The following INPP5B variants were observed in gnomAD, a reference collection of about 807,000 sequenced individuals.
INPP5B encodes type II inositol 1,4,5-trisphosphate 5-phosphatase.
A neutral mutation model predicts 118.5 loss-of-function variants in INPP5B; 90 were observed. The observed-to-expected ratio is 0.76, with a 90% CI of 0.64 to 0.90. INPP5B has a LOEUF of 0.90. INPP5B is among the 40% of genes least tolerant of loss of function. The pLI is 0.00. For synonymous variants in INPP5B, 385 were observed against 418.9 expected, an observed-to-expected ratio of 0.92 and a Z score of 0.99; for missense variants, 984 against 1,125.6, an observed-to-expected ratio of 0.87 and a Z score of 1.80.
At position 37,907,602 on chromosome 1, in the gene INPP5B, G is replaced by C. The variant is rs547170111; in HGVS notation, c.533-16148C>G. ...TTCTAAGTCACTGGATGAGATGTGA[G>C]GGTCAGCACAAGGCACAGGTCATAA... is the stretch of plus-strand genomic sequence containing the variant. On this transcript the variant is annotated intron_variant, in intron 7 of 23. Coordinates refer to ENST00000373024, the MANE Select transcript of INPP5B (RefSeq NM_005540.3). This position sits in a 1 kb window ranked among gnomAD's most constrained non-coding sequence, Gnocchi z 4.3. 6.6e-6 allele frequency among the ~76,000 whole-genome samples: 1 copy of C among 152,162 alleles called. No homozygotes were observed. Among genetic ancestry groups the C allele is most frequent in the Non-Finnish European group, 1.5e-5 (1 of 68,040 alleles).
At chr1:37,892,301 A>G (rs1337029998) in intron 7 of INPP5B, among the ~76,000 whole-genome samples, 1 of 152,242 alleles carries the variant, frequency 6.6e-6, no homozygotes. Context: ...AAAACTGGAA[A>G]TAGTCTAAGA....
intron 7 of INPP5B, 123 bp downstream of exon 7, chr1:37,931,790 G>C: frequency 6.2e-7 from 1 of 1,606,008 alleles, no homozygotes; most frequent in Non-Finnish European, 8.5e-7. Context: ...CCGCCCCCGT[G>C]TGCCCGCTCC....
intron 7 of INPP5B, among the ~76,000 whole-genome samples, chr1:37,892,537 T>C (rs962809116): frequency 5.9e-5 from 9 of 152,146 alleles, no homozygotes; most frequent in African/African-American, 2.2e-4. Flanking sequence ...AAACCCAAGT[T>C]ATGGGAAGGA....
intron 7 of INPP5B, among the ~76,000 whole-genome samples, chr1:37,905,556 C>CT (rs942068280): frequency 2.0e-4 from 30 of 152,234 alleles, no homozygotes; most frequent in African/African-American, 7.2e-4. Flanking sequence ...AACCAAATTT[C>CT]TTTGTCAGTT....
Position 37,943,672 on chromosome 1 carries a change from G to A in INPP5B, c.251-3C>T. The A allele has an allele frequency of 6.2e-7, 1 of 1,614,042 alleles. No individual in the cohort carries two copies. Among genetic ancestry groups the A allele is most frequent in the Non-Finnish European group, 8.5e-7 (1 of 1,179,968 alleles). ...GTAGAGTTCACCATCTGGGGACACT[G>A]TGGGGAGGGAAATGAGAATGCCCTT... On this transcript the variant is annotated splice_region_variant and splice_polypyrimidine_tract_variant and intron_variant, in intron 4 of 23. Transcript: ENST00000373024.
At chr1:37,912,939 TACTC>T (rs1459933734) in intron 7 of INPP5B, among the ~76,000 whole-genome samples, 2 of 121,698 alleles carry the variant, frequency 1.6e-5, no homozygotes, top group Non-Finnish European at 3.4e-5. Context: ...GGCCTCGACT[TACTC>T]ACTGCTAAAA....
chr1:37,869,472 TTTA>T (rs1642269511), intron 19 of INPP5B, among the ~76,000 whole-genome samples: 1 of 149,354 alleles, frequency 6.7e-6, no homozygotes, highest in East Asian at 2.0e-4. Context: ...TATTTATTTA[TTTA>T]TTTATTTACT....
At chr1:37,885,453 T>A in intron 13 of INPP5B, 185 bp downstream of exon 13, 1 of 511,474 alleles carries the variant, frequency 2.0e-6, no homozygotes, top group Admixed American at 3.3e-5. Flanking sequence ...ACTCAAGAGA[T>A]CTGCCAGATA....
intron 7 of INPP5B, among the ~76,000 whole-genome samples, chr1:37,903,138 G>A (rs967439981): frequency 4.6e-5 from 7 of 152,154 alleles, no homozygotes; most frequent in Non-Finnish European, 1.0e-4. Context: ...AAGACCTGCT[G>A]GGCTGCATTC....
intron 8 of INPP5B, 37 bp downstream of exon 8, chr1:37,891,321 G>T: frequency 6.7e-7 from 1 of 1,482,688 alleles, no homozygotes; most frequent in Non-Finnish European, 9.4e-7. Flanking sequence ...GAGAACCTCA[G>T]TCCTACAAGG....
chr1:37,883,419 T>C, intron 13 of INPP5B: 1 of 985,438 alleles, frequency 1.0e-6, no homozygotes, highest in Non-Finnish European at 1.2e-6. Flanking sequence ...ACCAGCAGTA[T>C]ATCATTGGTT....
chr1:37,890,625 G>A (rs1356911350), intron 8 of INPP5B, among the ~76,000 whole-genome samples: 4 of 152,086 alleles, frequency 2.6e-5, no homozygotes, highest in Admixed American at 6.6e-5. Flanking sequence ...CCTCAGGGGC[G>A]AGTCAGGAAA....
At chr1:37,927,296 A>G (rs1201466869) in intron 7 of INPP5B, among the ~76,000 whole-genome samples, 1 of 149,960 alleles carries the variant, frequency 6.7e-6, no homozygotes, top group East Asian at 1.9e-4. Context: ...CTCCGTCTCA[A>G]AAAAAAAAAG....
intron 7 of INPP5B, among the ~76,000 whole-genome samples, chr1:37,901,246 C>A (rs1291237272): frequency 3.3e-5 from 5 of 152,178 alleles, no homozygotes; most frequent in Non-Finnish European, 5.9e-5. Flanking sequence ...GTATTAAGTA[C>A]AGCAAAGTAT....
chr1:37,931,515 C>T (rs1474469113), intron 7 of INPP5B: 2 of 1,535,176 alleles, frequency 1.3e-6, no homozygotes, highest in Admixed American at 3.9e-5. Flanking sequence ...CATCACAGAA[C>T]TTCTGCCCCA....
chr1:37,935,435 G>A (rs1173455596), intron 6 of INPP5B, among the ~76,000 whole-genome samples: 3 of 150,782 alleles, frequency 2.0e-5, no homozygotes, highest in Non-Finnish European at 4.4e-5. Flanking sequence ...CTCGTGATCC[G>A]CCCCGCCTTG....
chr1:37,878,185 T>A lies in INPP5B; in HGVS notation c.1677+3A>T. The A allele has an allele frequency of 6.2e-7, 1 of 1,613,948 alleles. No individual in the cohort carries two copies. Among genetic ancestry groups the A allele is most frequent in the Non-Finnish European group, 8.5e-7 (1 of 1,179,892 alleles). On this transcript the variant is annotated splice_donor_region_variant and intron_variant, in intron 16 of 23. Coordinates refer to ENST00000373024, the MANE Select transcript of INPP5B (RefSeq NM_005540.3). ...ATTACAACAGGTACCAGCTGCCACC[T>A]ACCCCGATGTCAAACACTGAGCTGA...
At position 37,931,980 on chromosome 1, in the gene INPP5B, C is replaced by T. The variant is rs184895847; in HGVS notation, c.465G>A (p.Glu155=). 3.1e-6 allele frequency: 5 copies of T among 1,613,870 alleles called. No individual in the cohort carries two copies. Among genetic ancestry groups the T allele is most frequent in the Non-Finnish European group, 4.2e-6 (5 of 1,179,902 alleles). The stretch of plus-strand genomic sequence containing the variant: ...AGTTACAACCGCGCGGCGTTGGCAT[C>T]TCCAGCTCCAGCTCTGCGCACCTAT... The part of the protein sequence containing the change: ...SRYRCAELEL[E]MPTPRGCNSA... Residue 155 remains glutamate (E), a synonymous_variant, in exon 7 of 24, where the codon GAG becomes GAA. Transcript: ENST00000373024.
chr1:37,883,111 TG>T, intron 13 of INPP5B, 193 bp from the exon 14 acceptor site: 1 of 985,470 alleles, frequency 1.0e-6, no homozygotes, highest in Non-Finnish European at 1.2e-6. Flanking sequence ...TCAATTATCT[TG>T]GTCCAAGTTC....
Sources: gnomAD v4.1 joint callset for allele counts (sites outside exome capture counted in the v4.1 genomes callset) on GRCh38, gnomAD v4.1.1 for gene constraint, Gnocchi (gnomAD v3.1) non-coding constraint, MANE v1.5 for transcripts, NCBI Gene and HGNC (gene_info 2026-07-23, HGNC 2026-07-21) for gene names.